IL18R1: variants seen among roughly 807,000 people sequenced by gnomAD.
IL18R1 encodes interleukin-18 receptor 1.
A neutral mutation model predicts 48.5 loss-of-function variants in IL18R1; 40 were observed. The observed-to-expected ratio is 0.82, with a 90% CI of 0.64 to 1.07. The LOEUF is 1.07. Among genes scored for constraint, IL18R1 ranks in the 50% least tolerant of loss-of-function variants. The probability of loss-of-function intolerance (pLI) is 0.00; values close to 1 mark genes in which losing one functional copy is unlikely to be tolerated. For synonymous variants in IL18R1, 232 were observed against 225.9 expected (o/e 1.03, Z -0.24); for missense variants, 596 against 633.7 (o/e 0.94, Z 0.64).
intron 5 of IL18R1, among the ~76,000 whole-genome samples, chr2:102,380,292 G>C (rs1459404615): frequency 6.6e-6 from 1 of 152,202 alleles, no homozygotes; most frequent in African/African-American, 2.4e-5. Context: ...TTGAGTGTTA[G>C]TAGACAGCAT....
intron 6 of IL18R1, among the ~76,000 whole-genome samples, chr2:102,382,157 C>T (rs2105096069): frequency 6.6e-6 from 1 of 152,200 alleles, no homozygotes; most frequent in Middle Eastern, 3.4e-3. Context: ...CCTGTAGTCC[C>T]AGCTACTCAG....
chr2:102,396,877 C>G lies in IL18R1; in HGVS notation c.1617C>G (p.Ser539=). 1.3e-6 allele frequency: 2 copies of G among 1,579,022 alleles called. No homozygotes were observed. Among genetic ancestry groups the G allele is most frequent in the East Asian group, 2.2e-5 (1 of 44,732 alleles). Residue 539 remains serine, a synonymous_variant, in exon 11 of 11, where the codon TCC becomes TCG. Transcript: ENST00000233957. The part of the protein sequence containing the change: ...RDEPEVLPVL[S]ES ...AACCGGAAGTCTTGCCTGTTCTTTC[C>G]GAGTCTTAATCTTCAGAAACAGTGA...
rs186555944 is a variant in IL18R1 at position 102,370,931 on chromosome 2, C to G, written c.303-1022C>G. On this transcript the variant is annotated intron_variant, in intron 3 of 10. Transcript: ENST00000233957. ...AAAAACACGCATCTGCTGTATTTAG[C>G]AAATAAATCTATACATCACAGGTGC... Among the ~76,000 whole-genome samples, 20 of 152,290 alleles carry G rather than the reference C, an allele frequency of 1.3e-4. No individual in the cohort carries two copies. In the East Asian group the frequency reaches 3.7e-3, roughly 28 times the overall value.
chr2:102,396,484 C>A, intron 10 of IL18R1, 47 bp from the exon 11 acceptor site: 2 of 1,121,100 alleles, frequency 1.8e-6, no homozygotes, highest in Non-Finnish European at 2.6e-6. Flanking sequence ...TCTCATGTTC[C>A]CCCTTTCAGT....
intron 5 of IL18R1, among the ~76,000 whole-genome samples, chr2:102,377,924 T>C (rs1391612990): frequency 6.6e-6 from 1 of 152,252 alleles, no homozygotes; most frequent in African/African-American, 2.4e-5. Flanking sequence ...GGGTCTATTA[T>C]TCTGCCTGCC....
Position 102,385,342 on chromosome 2 carries a change from T to C in IL18R1, c.809+344T>C, listed in dbSNP as rs113427410. Among the ~76,000 whole-genome samples the C allele has an allele frequency of 1.7e-4, 26 of 152,320 alleles. 1 individual carries two copies. The highest frequency in any genetic ancestry group is 6.0e-4 in the African/African-American group (25 of 41,578). On this transcript the variant is annotated intron_variant, in intron 7 of 10. Transcript: ENST00000233957. ...GGGCAGTTGCCTAGGCCAAGCTTTT[T>C]TTTATTTTGAAAAATTTGTTAAGTT...
chr2:102,395,638 G>A (rs772863043), intron 10 of IL18R1, among the ~76,000 whole-genome samples: 91 of 152,236 alleles, frequency 6.0e-4, no homozygotes, highest in Middle Eastern at 3.4e-3. Flanking sequence ...TACTTAGGAA[G>A]CATTTATTCT....
chr2:102,362,880 G>A (rs55981749), intron 2 of IL18R1, 162 bp downstream of exon 2: 1 of 417,224 alleles, frequency 2.4e-6, no homozygotes, highest in Non-Finnish European at 4.3e-6. Context: ...TGAAAAACTT[G>A]CATCTTGAAA....
intron 5 of IL18R1, among the ~76,000 whole-genome samples, chr2:102,380,652 T>G (rs1394151106): frequency 6.6e-6 from 1 of 152,176 alleles, no homozygotes; most frequent in Non-Finnish European, 1.5e-5. Context: ...CACTGCATTC[T>G]CAACTGCTCA....
intron 5 of IL18R1, among the ~76,000 whole-genome samples, chr2:102,381,060 G>A (rs1372704535): frequency 3.3e-5 from 5 of 152,212 alleles, no homozygotes; most frequent in Non-Finnish European, 7.3e-5. Flanking sequence ...GTCGGGGTCA[G>A]AAGCCACTCA....
intron 1 of IL18R1, among the ~76,000 whole-genome samples, chr2:102,361,821 T>C (rs1322437996): frequency 6.6e-6 from 1 of 152,168 alleles, no homozygotes; most frequent in Non-Finnish European, 1.5e-5. Context: ...CTTCCTCCAC[T>C]GGGCTCAAAG....
At chr2:102,391,683 C>A (rs1197779909) in intron 9 of IL18R1, among the ~76,000 whole-genome samples, 3 of 152,206 alleles carry the variant, frequency 2.0e-5, no homozygotes, top group Non-Finnish European at 4.4e-5. Flanking sequence ...CTCCCTACTG[C>A]CTTCAAAAGA....
intron 7 of IL18R1, among the ~76,000 whole-genome samples, chr2:102,385,266 G>T (rs924387537): frequency 1.3e-5 from 2 of 152,168 alleles, no homozygotes; most frequent in African/African-American, 4.8e-5. Context: ...AGTAGCACTT[G>T]GTCAGTCAGG....
chr2:102,388,350 G>A (rs1465142646), intron 8 of IL18R1, among the ~76,000 whole-genome samples: 1 of 152,160 alleles, frequency 6.6e-6, no homozygotes, highest in Non-Finnish European at 1.5e-5. Flanking sequence ...GAAGAAACTT[G>A]CCCAGGGTCA....
chr2:102,360,907 TATAACCTTA>T (rs1468240336), intron 1 of IL18R1, among the ~76,000 whole-genome samples: 1 of 152,230 alleles, frequency 6.6e-6, no homozygotes, highest in East Asian at 1.9e-4. Flanking sequence ...CATTATTTAA[TATAACCTTA>T]ATCTGTTAAA....
chr2:102,371,697 G>A (rs926526102), intron 3 of IL18R1, among the ~76,000 whole-genome samples: 10 of 152,132 alleles, frequency 6.6e-5, no homozygotes, highest in African/African-American at 2.4e-4. Flanking sequence ...ATATGTGCGT[G>A]TGTGCGTGTG....
chr2:102,394,028 G>A (rs1264989940), intron 9 of IL18R1, among the ~76,000 whole-genome samples: 1 of 152,178 alleles, frequency 6.6e-6, no homozygotes, highest in African/African-American at 2.4e-5. Context: ...TACCCAATTA[G>A]GAGCATGGTC....
intron 6 of IL18R1, among the ~76,000 whole-genome samples, chr2:102,382,776 T>C (rs1227686417): frequency 1.3e-5 from 2 of 152,230 alleles, no homozygotes; most frequent in Admixed American, 1.3e-4. Flanking sequence ...CTGGGTCCTA[T>C]GCCATTTGTA....
Position 102,396,806 on chromosome 2 carries a change from C to G in IL18R1, c.1546C>G (p.Leu516Val), listed in dbSNP as rs1415169799. The change falls in exon 11 of 11, where the codon CTT (leucine) becomes GTT (valine). Residue 516 changes from leucine to valine, a missense_variant. Transcript: ENST00000233957. The stretch of plus-strand genomic sequence containing the variant: ...TTATAACTCAAGGTTCTGGAAGAAC[C>G]TTCTTTACTTAATGCCTGCAAAAAC... The part of the protein sequence containing the change: ...LSYNSRFWKN[L>V]LYLMPAKTVK... The G allele has an allele frequency of 6.2e-7, 1 of 1,613,682 alleles. No individual in the cohort carries two copies. The highest frequency in any genetic ancestry group is 8.5e-7 in the Non-Finnish European group (1 of 1,179,912).
Sources: allele counts gnomAD v4.1 joint callset (sites outside exome capture counted in the v4.1 genomes callset), GRCh38; gene constraint gnomAD v4.1.1; transcripts MANE v1.5; gene names NCBI Gene and HGNC (gene_info 2026-07-23, HGNC 2026-07-21).